GLRX3: variants seen among roughly 807,000 people sequenced by gnomAD.
GLRX3 encodes glutaredoxin 3.
Under a neutral mutation model 49.5 loss-of-function variants are expected in GLRX3, and 22 were observed. That is an observed-to-expected ratio of 0.44 (90% CI 0.32 to 0.63). GLRX3 has a LOEUF of 0.63. Ranked by LOEUF, GLRX3 falls within the 30% of genes least tolerant of loss-of-function variation. The pLI is 0.05. For missense variants in GLRX3, 385 were observed against 396.3 expected (o/e 0.97, Z 0.24); for synonymous variants, 133 against 140.0 (o/e 0.95, Z 0.35).
intron 2 of GLRX3, among the ~76,000 whole-genome samples, chr10:130,148,194 G>A (rs1253084372): frequency 4.6e-5 from 7 of 152,024 alleles, no homozygotes; most frequent in Middle Eastern, 3.2e-3. Flanking sequence ...CTGTAGTGCA[G>A]TGATCTTGGC....
At chr10:130,160,285 G>A (rs1218882381) in intron 3 of GLRX3, among the ~76,000 whole-genome samples, 1 of 152,234 alleles carries the variant, frequency 6.6e-6, no homozygotes, top group Admixed American at 6.5e-5. Context: ...CATGGACTGT[G>A]TAGGGCCAGC....
intron 1 of GLRX3, among the ~76,000 whole-genome samples, chr10:130,139,248 T>C (rs1862127641): frequency 1.3e-5 from 2 of 152,160 alleles, no homozygotes; most frequent in Admixed American, 6.5e-5. Context: ...AATGTGCACT[T>C]TCCTTAGTGA....
chr10:130,167,833 A>G (rs998880406), intron 6 of GLRX3, among the ~76,000 whole-genome samples: 1 of 152,136 alleles, frequency 6.6e-6, no homozygotes, highest in Non-Finnish European at 1.5e-5. Context: ...TGAGTGCCGC[A>G]TTCTGTCCTG....
intron 2 of GLRX3, among the ~76,000 whole-genome samples, chr10:130,159,102 A>G (rs1374816163): frequency 6.6e-6 from 1 of 152,226 alleles, no homozygotes; most frequent in Admixed American, 6.5e-5. Flanking sequence ...AAACTTTTTA[A>G]CAATATAATT....
At chr10:130,139,890 C>G (rs1196377763) in intron 1 of GLRX3, among the ~76,000 whole-genome samples, 2 of 152,212 alleles carry the variant, frequency 1.3e-5, no homozygotes, top group Non-Finnish European at 2.9e-5. Context: ...GATCCTGCCA[C>G]TGTACTCCAG....
intron 5 of GLRX3, 57 bp downstream of exon 5, chr10:130,166,736 A>T (rs991895088): frequency 1.6e-6 from 2 of 1,235,248 alleles, no homozygotes; most frequent in Admixed American, 2.0e-5. Flanking sequence ...CATACTTTTT[A>T]AAATGTTGTG....
intron 2 of GLRX3, among the ~76,000 whole-genome samples, chr10:130,146,440 T>A (rs187065206): frequency 1.4e-4 from 22 of 152,300 alleles, no homozygotes; most frequent in Admixed American, 1.4e-3. Flanking sequence ...TTGCCTCTTT[T>A]GTTTTTCACT....
At chr10:130,165,024 G>C (rs891704101) in intron 4 of GLRX3, among the ~76,000 whole-genome samples, 2 of 152,192 alleles carry the variant, frequency 1.3e-5, no homozygotes, top group African/African-American at 4.8e-5. Flanking sequence ...ATAAACTGCA[G>C]ATTTGGAAAA....
chr10:130,139,631 G>C (rs1862135685), intron 1 of GLRX3, among the ~76,000 whole-genome samples: 1 of 134,898 alleles, frequency 7.4e-6, no homozygotes. Context: ...GACAGACGAA[G>C]ACTCCATCTC....
intron 2 of GLRX3, among the ~76,000 whole-genome samples, chr10:130,157,519 C>G (rs1424474233): frequency 2.0e-5 from 1 of 49,482 alleles, no homozygotes; most frequent in Non-Finnish European, 4.9e-5. Flanking sequence ...CCCCCCCCCG[C>G]CCATATTGGG....
chr10:130,157,283 A>G (rs1283069830), intron 2 of GLRX3, among the ~76,000 whole-genome samples: 2 of 140,866 alleles, frequency 1.4e-5, no homozygotes, highest in African/African-American at 5.1e-5. Flanking sequence ...TGGAGAATCT[A>G]GAGCTGTGAT....
chr10:130,164,547 G>T (rs928666493), intron 4 of GLRX3, among the ~76,000 whole-genome samples: 15 of 152,144 alleles, frequency 9.9e-5, no homozygotes, highest in Admixed American at 5.2e-4. Context: ...CATGTCATGA[G>T]TAGAAATGAC....
At chr10:130,163,199 C>T (rs915470028) in intron 4 of GLRX3, among the ~76,000 whole-genome samples, 19 of 152,114 alleles carry the variant, frequency 1.2e-4, no homozygotes, top group African/African-American at 4.1e-4. Flanking sequence ...CTGAGGTGGG[C>T]GGATCGCTTG....
intron 1 of GLRX3, among the ~76,000 whole-genome samples, chr10:130,138,847 GTTTTT>G (rs61152449): frequency 6.3e-5 from 6 of 95,032 alleles, no homozygotes; most frequent in African/African-American, 1.3e-4. Flanking sequence ...GAATAAAAGT[GTTTTT>G]TTTTTTTTTT....
At chr10:130,141,451 C>A (rs1169510324) in intron 1 of GLRX3, among the ~76,000 whole-genome samples, 1 of 152,140 alleles carries the variant, frequency 6.6e-6, no homozygotes, top group Non-Finnish European at 1.5e-5. Flanking sequence ...CGATAACCAC[C>A]ATTCACAGGA....
At position 130,160,045 on chromosome 10, in the gene GLRX3, T is replaced by C. The variant is rs369038616; in HGVS notation, c.252T>C (p.Ser84=). Residue 84 remains serine (S), a synonymous_variant, in exon 3 of 11, where the codon TCT becomes TCC. Transcript: ENST00000331244. ...TATCTGAAAAATATGAAATTAGCTCTGTTCCCACTTTTCTGTTTTTCAAGG... is the reference window on the plus strand; with the variant it reads ...TATCTGAAAAATATGAAATTAGCTCCGTTCCCACTTTTCTGTTTTTCAAGG... ...PEVSEKYEIS[S]VPTFLFFKNS... 1 of 1,601,258 alleles carries C rather than the reference T, an allele frequency of 6.2e-7. No homozygotes were observed. Among genetic ancestry groups the C allele is most frequent in the African/African-American group, 1.3e-5 (1 of 74,668 alleles).
chr10:130,166,056 A>G (rs2134911880), intron 4 of GLRX3, among the ~76,000 whole-genome samples: 1 of 152,280 alleles, frequency 6.6e-6, no homozygotes, highest in African/African-American at 2.4e-5. Flanking sequence ...GTGCAGTGAC[A>G]ATCTCATAGG....
At chr10:130,150,343 A>G (rs1862350904) in intron 2 of GLRX3, among the ~76,000 whole-genome samples, 1 of 152,036 alleles carries the variant, frequency 6.6e-6, no homozygotes, top group Non-Finnish European at 1.5e-5. Context: ...CTTCCAGCTT[A>G]CTGCTCCCAT....
chr10:130,177,163 A>G (rs1862939323), intron 10 of GLRX3, among the ~76,000 whole-genome samples: 1 of 152,208 alleles, frequency 6.6e-6, no homozygotes, highest in Admixed American at 6.5e-5. Flanking sequence ...GATGTTTGAA[A>G]TGGTCTAATC....
Sources: allele counts gnomAD v4.1 joint callset (sites outside exome capture counted in the v4.1 genomes callset), GRCh38; gene constraint gnomAD v4.1.1; transcripts MANE v1.5; gene names NCBI Gene and HGNC (gene_info 2026-07-23, HGNC 2026-07-21).